Variants in ADAM32 observed in about 807,000 individuals in gnomAD.
ADAM32 encodes the protein ADAM metallopeptidase domain 32, also known as disintegrin and metalloproteinase domain-containing protein 32.
A neutral mutation model predicts 114.9 loss-of-function variants in ADAM32; 89 were observed. The ratio of observed to expected loss-of-function variants is 0.77; its 90% CI spans 0.65 to 0.92. The LOEUF (loss-of-function observed/expected upper bound fraction) is 0.92, where lower values mean the gene tolerates loss of function less well. Ranked by LOEUF, ADAM32 falls within the 40% of genes least tolerant of loss-of-function variation. The pLI, the probability that ADAM32 is intolerant of heterozygous loss-of-function variation, is 0.00. For missense variants in ADAM32, 870 were observed against 932.8 expected (o/e 0.93, Z 0.88); for synonymous variants, 285 against 307.5 (o/e 0.93, Z 0.77).
intron 2 of ADAM32, among the ~76,000 whole-genome samples, chr8:39,136,063 C>T (rs560074289): frequency 2.0e-5 from 3 of 152,244 alleles, no homozygotes; most frequent in African/African-American, 7.2e-5. Flanking sequence ...CTCTGTTTCT[C>T]TACCTCTTGC....
chr8:39,183,728 A>G (rs968714095), intron 10 of ADAM32, among the ~76,000 whole-genome samples: 2 of 152,238 alleles, frequency 1.3e-5, no homozygotes, highest in Admixed American at 6.5e-5. Context: ...GCCAGCCATT[A>G]CAGTCTTGTA....
intron 17 of ADAM32, among the ~76,000 whole-genome samples, 171 bp downstream of exon 17, chr8:39,246,337 A>C (rs1301802322): frequency 6.6e-6 from 1 of 152,210 alleles, no homozygotes; most frequent in East Asian, 1.9e-4. Context: ...TAGTTACAGA[A>C]GATATATTGA....
intron 17 of ADAM32, among the ~76,000 whole-genome samples, chr8:39,251,805 A>G (rs958978892): frequency 1.3e-5 from 2 of 151,770 alleles, no homozygotes; most frequent in African/African-American, 4.8e-5. Flanking sequence ...TCAGTGTCTT[A>G]GAACTATTTT....
intron 11 of ADAM32, among the ~76,000 whole-genome samples, chr8:39,205,994 G>GT (rs1807804642): frequency 6.6e-6 from 1 of 152,136 alleles, no homozygotes; most frequent in African/African-American, 2.4e-5. Flanking sequence ...CACATCTGGT[G>GT]TATCAGTTGC....
chr8:39,213,776 T>C (rs1227693532), intron 12 of ADAM32, among the ~76,000 whole-genome samples: 1 of 152,124 alleles, frequency 6.6e-6, no homozygotes, highest in Non-Finnish European at 1.5e-5. Flanking sequence ...TATTCATTCT[T>C]TGAAACTAAT....
At chr8:39,265,994 A>G (rs1034521860) in intron 19 of ADAM32, among the ~76,000 whole-genome samples, 7 of 152,172 alleles carry the variant, frequency 4.6e-5, no homozygotes, top group Admixed American at 2.6e-4. Context: ...TAGGTCCCCA[A>G]TCTCTTCAGA....
At chr8:39,123,822 T>G (rs1261390316) in intron 2 of ADAM32, among the ~76,000 whole-genome samples, 1 of 150,970 alleles carries the variant, frequency 6.6e-6, no homozygotes, top group Non-Finnish European at 1.5e-5. Context: ...TTCTCCTACC[T>G]CAGCCTCCCA....
chr8:39,213,844 C>T (rs1808384670), intron 12 of ADAM32, among the ~76,000 whole-genome samples: 2 of 152,100 alleles, frequency 1.3e-5, no homozygotes. Flanking sequence ...GCCCAACTAC[C>T]CTTCCCAGCC....
chr8:39,125,616 C>G (rs1802066248), intron 2 of ADAM32, among the ~76,000 whole-genome samples: 1 of 152,150 alleles, frequency 6.6e-6, no homozygotes, highest in African/African-American at 2.4e-5. Flanking sequence ...TTCTCCCATT[C>G]TGTAGGTTGT....
At chr8:39,115,979 T>C (rs1390233729) in intron 1 of ADAM32, among the ~76,000 whole-genome samples, 1 of 152,246 alleles carries the variant, frequency 6.6e-6, no homozygotes, top group African/African-American at 2.4e-5. Flanking sequence ...CCCGGCACCA[T>C]TTATTGGATA....
At position 39,223,168 on chromosome 8, in the gene ADAM32, T is replaced by C; in HGVS notation, c.1455T>C (p.Asn485=). ...TAATCAATGGACTTTCATGCAAAAA[T>C]AATAAGTTTATTTGTTATGACGGAG... is the stretch of plus-strand genomic sequence containing the variant. ...ITLINGLSCK[N]NKFICYDGDC... Residue 485 remains asparagine (N), a synonymous_variant, in exon 14 of 25, where the codon AAT becomes AAC. Coordinates refer to ENST00000379907, the MANE Select transcript of ADAM32 (RefSeq NM_145004.7). 2 of 1,601,114 alleles carry C rather than the reference T, an allele frequency of 1.2e-6. No individual in the cohort carries two copies. Among genetic ancestry groups the C allele is most frequent in the Non-Finnish European group, 1.7e-6 (2 of 1,174,102 alleles).
At chr8:39,157,155 T>C (rs748347161) in intron 6 of ADAM32, among the ~76,000 whole-genome samples, 3 of 152,202 alleles carry the variant, frequency 2.0e-5, no homozygotes, top group Admixed American at 6.5e-5. Flanking sequence ...AAATTAGATA[T>C]TACTATTATT....
chr8:39,151,069 A>G (rs1343410744), intron 5 of ADAM32, among the ~76,000 whole-genome samples: 1 of 89,834 alleles, frequency 1.1e-5, no homozygotes, highest in African/African-American at 2.8e-5. Context: ...TTCTGTTTAC[A>G]ATTGCTTTAA....
At chr8:39,145,824 T>C (rs1016673834) in intron 3 of ADAM32, among the ~76,000 whole-genome samples, 1 of 152,138 alleles carries the variant, frequency 6.6e-6, no homozygotes, top group Non-Finnish European at 1.5e-5. Context: ...CTTGAACTCC[T>C]GGCTCAAGTG....
At chr8:39,140,946 T>C (rs1433766866) in intron 3 of ADAM32, among the ~76,000 whole-genome samples, 1 of 152,150 alleles carries the variant, frequency 6.6e-6, no homozygotes, top group African/African-American at 2.4e-5. Context: ...GCATAGAATT[T>C]ATCCATTTCT....
chr8:39,217,107 A>ATT (rs1474239529), intron 12 of ADAM32, among the ~76,000 whole-genome samples: 1 of 131,166 alleles, frequency 7.6e-6, no homozygotes, highest in Non-Finnish European at 1.6e-5. Context: ...TTTAAAGAAT[A>ATT]TATATATATA....
rs1422975013 is a variant in ADAM32 at position 39,276,789 on chromosome 8, T to C, written c.2279+923T>C. On this transcript the variant is annotated intron_variant, in intron 22 of 24. Transcript: ENST00000379907. ...TTTATTATCATGTCTGTTCTTATTA[T>C]TGTGAGCAAGGGAGTTACCATATAG... 2.0e-5 allele frequency among the ~76,000 whole-genome samples: 3 copies of C among 152,202 alleles called. No individual in the cohort carries two copies. The East Asian group carries it at 5.8e-4, about 29-fold the overall frequency.
At chr8:39,135,487 G>A (rs1381219271) in intron 2 of ADAM32, among the ~76,000 whole-genome samples, 4 of 152,100 alleles carry the variant, frequency 2.6e-5, no homozygotes, top group Non-Finnish European at 5.9e-5. Context: ...TTCCTGTAAT[G>A]TTAGCTCTTA....
chr8:39,190,189 T>A (rs1280810512), intron 11 of ADAM32, among the ~76,000 whole-genome samples: 2 of 152,238 alleles, frequency 1.3e-5, no homozygotes, highest in African/African-American at 2.4e-5. Context: ...CATAATGACC[T>A]TCTGTTCCAT....
Sources: allele counts gnomAD v4.1 joint callset (sites outside exome capture counted in the v4.1 genomes callset), GRCh38; gene constraint gnomAD v4.1.1; transcripts MANE v1.5; gene names NCBI Gene and HGNC (gene_info 2026-07-23, HGNC 2026-07-21).